The following TSFM variants were observed in gnomAD, a reference collection of about 807,000 sequenced individuals.
The protein encoded by TSFM is Ts translation elongation factor, mitochondrial.
Under a neutral mutation model 33.4 loss-of-function variants are expected in TSFM, and 29 were observed. The observed-to-expected ratio is 0.87, with a 90% CI of 0.65 to 1.18. TSFM has a LOEUF of 1.18. TSFM is among the 50% of genes most tolerant of loss of function. TSFM has a pLI of 0.00. For missense variants in TSFM, 394 were observed against 395.6 expected, an observed-to-expected ratio of 1.00 and a Z score of 0.04; for synonymous variants, 178 against 163.5, an observed-to-expected ratio of 1.09 and a Z score of -0.68.
At chr12:57,785,264 C>T (rs1455690286) in intron 2 of TSFM, among the ~76,000 whole-genome samples, 3 of 152,114 alleles carry the variant, frequency 2.0e-5, no homozygotes, top group African/African-American at 2.4e-5. Flanking sequence ...TTGTTAAAAA[C>T]GGAGACACAA....
At position 57,783,495 on chromosome 12, in the gene TSFM, C is replaced by G. The variant is rs558158599; in HGVS notation, c.231+212C>G. 8.4e-6 allele frequency: 6 copies of G among 713,976 alleles called. No homozygotes were observed. In the African/African-American group the frequency reaches 8.8e-5, roughly 10 times the overall value. The allele number at this position is 713,976 out of a possible 1,614,324, so 44.2% of individuals were successfully genotyped here. A position where few individuals can be genotyped will look rare whatever the true frequency, so the allele number is the denominator to read the frequency against. ...CCAGGATTAACAAACCAGACTGTTA[C>G]GGTGTTTCTTGTTGCCTGGAGCTGA... On this transcript the variant is annotated intron_variant, in intron 2 of 5. Coordinates refer to ENST00000652027, the MANE Select transcript of TSFM (RefSeq NM_005726.6).
In TSFM at chr12:57,783,183, C is replaced by T; in HGVS notation, c.131C>T (p.Ala44Val). ...FYAGPRLSAS[A>V]SSKELLMKLR... Reference sequence around the variant, plus strand: ...GCTGGGCCCCGTCTGTCTGCCTCGGCCTCCAGCAAGGAGCTCCTCATGAAG... The same window carrying T: ...GCTGGGCCCCGTCTGTCTGCCTCGGTCTCCAGCAAGGAGCTCCTCATGAAG... The change falls in exon 2 of 6, where the codon GCC (alanine) becomes GTC (valine). Residue 44 changes from alanine (A) to valine (V), a missense_variant. Transcript: ENST00000652027. The T allele has an allele frequency of 6.2e-7, 1 of 1,613,702 alleles. No individual in the cohort carries two copies.
intron 5 of TSFM, among the ~76,000 whole-genome samples, chr12:57,794,560 A>G (rs1178451854): frequency 6.6e-6 from 1 of 152,224 alleles, no homozygotes; most frequent in Non-Finnish European, 1.5e-5. Flanking sequence ...AGAAGGGATG[A>G]TCAGGAGTTG....
At chr12:57,787,228 A>G (rs1239623620) in intron 4 of TSFM, 66 bp downstream of exon 4, 14 of 1,444,204 alleles carry the variant, frequency 9.7e-6, no homozygotes, top group South Asian at 5.2e-5. Context: ...TGCTGTTCCT[A>G]TTGTAGACAT....
At chr12:57,783,470 C>A in intron 2 of TSFM, 187 bp downstream of exon 2, 1 of 750,584 alleles carries the variant, frequency 1.3e-6, no homozygotes, top group East Asian at 2.6e-5. Flanking sequence ...GTTGAGTATC[C>A]CAGGATTAAC....
intron 5 of TSFM, among the ~76,000 whole-genome samples, chr12:57,794,945 G>A (rs1955710947): frequency 6.6e-6 from 1 of 151,808 alleles, no homozygotes; most frequent in Non-Finnish European, 1.5e-5. Context: ...ATTTTTAGTA[G>A]AGACGGGGTT....
In TSFM at chr12:57,797,390, G is replaced by T. The variant is rs971185521; in HGVS notation, c.*807G>T. On this transcript the variant is annotated 3_prime_UTR_variant, in exon 6 of 6. Coordinates refer to ENST00000652027, the MANE Select transcript of TSFM (RefSeq NM_005726.6). ...AAATAACTCCATTTGTTCATTATAG[G>T]TATCTTTATTTGAAAAGTGAAAAAT... is the stretch of plus-strand genomic sequence containing the variant. The T allele has an allele frequency of 3.0e-6, 3 of 985,330 alleles. No individual in the cohort carries two copies. Among genetic ancestry groups the T allele is most frequent in the Non-Finnish European group, 1.2e-6 (1 of 829,916 alleles). The allele number at this position is 985,330 out of a possible 1,614,324, so 61.0% of individuals were successfully genotyped here.
chr12:57,802,255 G>A (rs183442787), downstream of TSFM: 24 of 1,614,116 alleles, frequency 1.5e-5, no homozygotes, highest in South Asian at 5.5e-5. Context: ...TCGGGATCTC[G>A]GCCGCTGGGG....
At chr12:57,797,629 T>G, downstream of TSFM, 12 of 891,608 alleles carry the variant, frequency 1.3e-5, no homozygotes, top group Non-Finnish European at 1.5e-5. Flanking sequence ...TTTATGCAGT[T>G]TTAGTGCTTT....
At chr12:57,792,286 C>T (rs1955672968) in intron 4 of TSFM, among the ~76,000 whole-genome samples, 1 of 152,134 alleles carries the variant, frequency 6.6e-6, no homozygotes. Context: ...CAGTGGCTTA[C>T]GCCTGTAATC....
intron 2 of TSFM, among the ~76,000 whole-genome samples, chr12:57,785,758 A>G (rs1384286219): frequency 1.3e-5 from 2 of 152,212 alleles, no homozygotes; most frequent in Non-Finnish European, 2.9e-5. Flanking sequence ...TTTTCTTTAC[A>G]CTAGCATTGC....
At chr12:57,794,167 T>C (rs1311675055) in intron 5 of TSFM, among the ~76,000 whole-genome samples, 3 of 152,250 alleles carry the variant, frequency 2.0e-5, no homozygotes, top group Admixed American at 1.3e-4. Context: ...TGTATGAGGC[T>C]TATTAAGAAA....
chr12:57,783,883 T>G lies in TSFM; in HGVS notation c.231+600T>G, dbSNP rs1595135196. The G allele has an allele frequency of 5.8e-6, 4 of 688,260 alleles. No homozygotes were observed. The African/African-American group carries it at 7.0e-5, about 12-fold the overall frequency. 42.6% of individuals were successfully genotyped at this position (688,260 alleles called of 1,614,324 possible). A position where few individuals can be genotyped will look rare whatever the true frequency, so the allele number is the denominator to read the frequency against. Reference sequence around the variant, plus strand: ...CGCCCGCCTCGGCTTCCCAGAGTGGTGGGATTACAGGAGTGAGCCACCGCG... The same window carrying G: ...CGCCCGCCTCGGCTTCCCAGAGTGGGGGGATTACAGGAGTGAGCCACCGCG... On this transcript the variant is annotated intron_variant, in intron 2 of 5. Coordinates refer to ENST00000652027, the MANE Select transcript of TSFM (RefSeq NM_005726.6).
At chr12:57,783,785 T>A (rs1005137152) in intron 2 of TSFM, 9 of 595,130 alleles carry the variant, frequency 1.5e-5, no homozygotes, top group African/African-American at 1.5e-4. Context: ...TTTATTTTTT[T>A]TTGTATTTTT....
chr12:57,790,647 T>C (rs1323204635), intron 4 of TSFM, among the ~76,000 whole-genome samples: 1 of 152,046 alleles, frequency 6.6e-6, no homozygotes, highest in Non-Finnish European at 1.5e-5. Flanking sequence ...GTCAAATGAC[T>C]CCGTTTAGTT....
At chr12:57,789,223 CA>C (rs1295394174) in intron 4 of TSFM, among the ~76,000 whole-genome samples, 1 of 152,118 alleles carries the variant, frequency 6.6e-6, no homozygotes, top group African/African-American at 2.4e-5. Context: ...CTGGGCCTCC[CA>C]AAGTGCTGGG....
At chr12:57,799,559 A>C (rs1565827786), downstream of TSFM, among the ~76,000 whole-genome samples, 1 of 152,228 alleles carries the variant, frequency 6.6e-6, no homozygotes, top group Non-Finnish European at 1.5e-5. Flanking sequence ...GCTGGACTAG[A>C]CTAGTAGCAG....
rs768122598 is a variant in TSFM, at chr12:57,783,134, C to T, written c.82C>T (p.Pro28Ser). The stretch of plus-strand genomic sequence containing the variant: ...GGCTGGGTCTCTTCTGCGTCAGTCG[C>T]CCCAGCCAAGGCACACATTTTATGC... Reference protein sequence around the residue: ...YPAGSLLRQSPQPRHTFYAGP... With the variant: ...YPAGSLLRQSSQPRHTFYAGP... Residue 28 changes from proline to serine, a missense_variant, in exon 2 of 6, where the codon CCC (proline) becomes TCC (serine). Around this residue, in one of 3 missense-constraint regions of TSFM, gnomAD observed 208 missense variants for 180.4 expected, o/e 1.15. Transcript: ENST00000652027. The T allele has an allele frequency of 7.4e-6, 12 of 1,611,698 alleles. No homozygotes were observed. Among genetic ancestry groups the T allele is most frequent in the Non-Finnish European group, 1.0e-5 (12 of 1,179,758 alleles).
intron 4 of TSFM, among the ~76,000 whole-genome samples, chr12:57,789,971 A>T (rs1955640829): frequency 6.6e-6 from 1 of 151,262 alleles, no homozygotes; most frequent in African/African-American, 2.4e-5. Flanking sequence ...GGAATGGGCC[A>T]CTTCTTCAAG....
Sources: gnomAD v4.1 joint callset for allele counts (sites outside exome capture counted in the v4.1 genomes callset) on GRCh38, gnomAD v4.1.1 for gene constraint, gnomAD v4.1.1 regional missense constraint, MANE v1.5 for transcripts, NCBI Gene and HGNC (gene_info 2026-07-23, HGNC 2026-07-21) for gene names.